The following SRP9 variants were observed in gnomAD, a reference collection of about 807,000 sequenced individuals.
SRP9 encodes the protein signal recognition particle 9 kDa protein.
Under a neutral mutation model 11.7 loss-of-function variants are expected in SRP9, and 2 were observed. The ratio of observed to expected loss-of-function variants is 0.17; its 90% CI spans 0.07 to 0.54. The LOEUF is 0.54. SRP9 is among the 20% of genes least tolerant of loss of function. SRP9 has a pLI of 0.94. For missense variants in SRP9, 54 were observed against 108.1 expected, an observed-to-expected ratio of 0.50 and a Z score of 2.22; for synonymous variants, 27 against 35.6, an observed-to-expected ratio of 0.76 and a Z score of 0.86.
rs1448304924 is a variant in SRP9, at chr1:225,777,857, C to T, written c.-84C>T. ...ATCTTGGGGCTGCTGGGACTCGCGT[C>T]GGTTGGCGACTCCCGGACGTAGGTA... On this transcript the variant is annotated 5_prime_UTR_variant, in exon 1 of 3. Coordinates refer to ENST00000304786, the MANE Select transcript of SRP9 (RefSeq NM_003133.6). 41 of 1,347,662 alleles carry T rather than the reference C, an allele frequency of 3.0e-5. No individual in the cohort carries two copies. Among genetic ancestry groups the T allele is most frequent in the Non-Finnish European group, 3.8e-5 (36 of 956,316 alleles). 83.5% of individuals were successfully genotyped at this position (1,347,662 alleles called of 1,614,324 possible). A position where few individuals can be genotyped will look rare whatever the true frequency, so the allele number is the denominator to read the frequency against.
chr1:225,781,384 CTTTTCT>C (rs1323519694), intron 1 of SRP9, among the ~76,000 whole-genome samples: 5 of 125,472 alleles, frequency 4.0e-5, no homozygotes, highest in Non-Finnish European at 8.6e-5. Flanking sequence ...GGCCTTTTTT[CTTTTCT>C]TTTTCTTTTT....
chr1:225,783,201 T>G (rs1665833832), intron 1 of SRP9, 99 bp from the exon 2 acceptor site: 1 of 832,560 alleles, frequency 1.2e-6, no homozygotes. Context: ...TTGGGGGTAT[T>G]TATTCTAAAA....
chr1:225,778,391 A>C (rs568517342), intron 1 of SRP9, among the ~76,000 whole-genome samples: 1 of 152,314 alleles, frequency 6.6e-6, no homozygotes, highest in South Asian at 2.1e-4. Context: ...AGGGTACCTC[A>C]TGTATATAAA....
rs1250437719 is a variant in SRP9 at position 225,789,358 on chromosome 1, G to T, written c.260G>T (p.Ter87LeuextTer3). Residue 87 changes from the stop codon to leucine, a stop_lost, in exon 3 of 3, where the codon TGA becomes TTA. Coordinates refer to ENST00000304786, the MANE Select transcript of SRP9 (RefSeq NM_003133.6). ...CGCAATGTTACCATGGAAACTGAGTGAATGGTTTGAAATGAAGACTTTGTC... is the reference window on the plus strand; with the variant it reads ...CGCAATGTTACCATGGAAACTGAGTTAATGGTTTGAAATGAAGACTTTGTC... ...EARNVTMETE* is the reference protein window; with the variant it reads ...EARNVTMETEL 3.2e-6 allele frequency: 5 copies of T among 1,586,454 alleles called. No homozygotes were observed. The South Asian group carries it at 5.7e-5, about 18-fold the overall frequency.
chr1:225,783,511 T>A (rs1665838602), intron 2 of SRP9, 143 bp downstream of exon 2: 1 of 648,760 alleles, frequency 1.5e-6, no homozygotes, highest in African/African-American at 1.8e-5. Context: ...AACCTCATTC[T>A]AGCAGCTACT....
In SRP9 at chr1:225,784,229, C is replaced by CTTTTTTTTTTTTTTTT. The variant is rs561503475; in HGVS notation, c.141+881_141+896dup. Among the ~76,000 whole-genome samples the CTTTTTTTTTTTTTTTT allele has an allele frequency of 1.7e-4, 6 of 34,420 alleles. 2 individuals are homozygous for CTTTTTTTTTTTTTTTT. The highest frequency in any genetic ancestry group is 4.6e-4 in the Admixed American group (1 of 2,188). The allele number at this position is 34,420 out of a possible 152,430, so 22.6% of individuals were successfully genotyped here. A position where few individuals can be genotyped will look rare whatever the true frequency, so the allele number is the denominator to read the frequency against. On this transcript the variant is annotated intron_variant, in intron 2 of 2. Transcript: ENST00000304786. ...TCTACAGTGGAGTTTATCACCTGTT[C>CTTTTTTTTTTTTTTTT]TTTTTTTTTTTTTTTTTTTTTTTTT...
At chr1:225,787,948 T>C (rs1008967343) in intron 2 of SRP9, among the ~76,000 whole-genome samples, 2 of 152,364 alleles carry the variant, frequency 1.3e-5, no homozygotes, top group East Asian at 1.9e-4. Context: ...TCAAGTTATT[T>C]AAGTTGTTGA....
rs1318615559 is a variant in SRP9, at chr1:225,790,106, A to G, written c.*747A>G. The G allele has an allele frequency of 6.6e-6, 1 of 152,178 alleles. No individual in the cohort carries two copies. 9.4% of individuals were successfully genotyped at this position (152,178 alleles called of 1,614,324 possible). On this transcript the variant is annotated 3_prime_UTR_variant, in exon 3 of 3. Coordinates refer to ENST00000304786, the MANE Select transcript of SRP9 (RefSeq NM_003133.6). Reference sequence around the variant, plus strand: ...ACCATATTACAGAAATATTTACTACATATTTTCCATCTGTAGTTTCTCAGA... The same window carrying G: ...ACCATATTACAGAAATATTTACTACGTATTTTCCATCTGTAGTTTCTCAGA...
Position 225,789,552 on chromosome 1 carries a change from TTTAC to T in SRP9, c.*196_*199del, listed in dbSNP as rs1160215808. 2.0e-6 allele frequency: 1 copy of T among 491,532 alleles called. No individual in the cohort carries two copies. The highest frequency in any genetic ancestry group is 4.0e-5 in the Admixed American group (1 of 24,800). The allele number at this position is 491,532 out of a possible 1,614,324, so 30.4% of individuals were successfully genotyped here. On this transcript the variant is annotated 3_prime_UTR_variant, in exon 3 of 3. Transcript: ENST00000304786. ...AATGTTTTCAGTTAGAAAGCCTTTA[TTTAC>T]TTTTGGAAATTGAACAAGAAATGCA... is the stretch of plus-strand genomic sequence containing the variant.
intron 2 of SRP9, among the ~76,000 whole-genome samples, chr1:225,786,340 A>C (rs567343178): frequency 1.3e-5 from 2 of 152,346 alleles, no homozygotes; most frequent in South Asian, 4.1e-4. Flanking sequence ...TAGATCAGTA[A>C]TATTCTTACA....
chr1:225,789,334 G>A lies in SRP9; in HGVS notation c.236G>A (p.Arg79His), dbSNP rs756194834. The change falls in exon 3 of 3, where the codon CGC (arginine) becomes CAC (histidine). Residue 79 changes from arginine to histidine, a missense_variant. Physicochemically the swap from Arg to His is conservative, Grantham distance 29. Transcript: ENST00000304786. The part of the protein sequence containing the change: ...LMRLMVAKEA[R>H]NVTMETE ...CGACTTATGGTAGCCAAGGAAGCCC[G>A]CAATGTTACCATGGAAACTGAGTGA... 6.9e-5 allele frequency: 110 copies of A among 1,602,666 alleles called. No individual in the cohort carries two copies. Among genetic ancestry groups the A allele is most frequent in the Non-Finnish European group, 8.6e-5 (101 of 1,175,292 alleles).
At chr1:225,787,310 G>A (rs747125102) in intron 2 of SRP9, among the ~76,000 whole-genome samples, 14 of 152,054 alleles carry the variant, frequency 9.2e-5, no homozygotes, top group South Asian at 2.1e-4. Context: ...TGAGGTGGGC[G>A]GATCATGAGG....
rs754704124 is a variant in SRP9, at chr1:225,789,357, T to C, written c.259T>C (p.Ter87ArgextTer3). The change falls in exon 3 of 3, where the codon TGA (stop) becomes CGA (arginine). Residue 87 changes from the stop codon to arginine, a stop_lost. Transcript: ENST00000304786. ...CCGCAATGTTACCATGGAAACTGAG[T>C]GAATGGTTTGAAATGAAGACTTTGT... is the stretch of plus-strand genomic sequence containing the variant. ...EARNVTMETE[*>R] is the part of the protein sequence containing the mutation. 2.5e-6 allele frequency: 4 copies of C among 1,586,658 alleles called. No individual in the cohort carries two copies. The highest frequency in any genetic ancestry group is 3.4e-6 in the Non-Finnish European group (4 of 1,168,866).
intron 2 of SRP9, among the ~76,000 whole-genome samples, chr1:225,786,218 C>A (rs1319088487): frequency 6.6e-6 from 1 of 152,216 alleles, no homozygotes; most frequent in Non-Finnish European, 1.5e-5. Flanking sequence ...CTTTCAAAAC[C>A]CAACTTGAGG....
At chr1:225,780,167 ATGCC>A (rs1014780835) in intron 1 of SRP9, among the ~76,000 whole-genome samples, 1 of 138,324 alleles carries the variant, frequency 7.2e-6, no homozygotes, top group African/African-American at 2.7e-5. Flanking sequence ...ACATGCCACC[ATGCC>A]TGCCTAATTT....
intron 2 of SRP9, among the ~76,000 whole-genome samples, chr1:225,788,535 C>T (rs946421296): frequency 6.6e-6 from 1 of 151,858 alleles, no homozygotes. Context: ...CCTGCCTCAG[C>T]CTCCTAAGTA....
chr1:225,790,358 G>C lies in SRP9; in HGVS notation c.*999G>C, dbSNP rs374816734. ...AAGGCACTACATTGAAATATGTTTT[G>C]TATAAATTTGTCATGTTGAACAGCA... On this transcript the variant is annotated 3_prime_UTR_variant, in exon 3 of 3. Coordinates refer to ENST00000304786, the MANE Select transcript of SRP9 (RefSeq NM_003133.6). The C allele has an allele frequency of 1.3e-5, 2 of 152,282 alleles. No homozygotes were observed. Among genetic ancestry groups the C allele is most frequent in the African/African-American group, 4.8e-5 (2 of 41,556 alleles). 9.4% of individuals were successfully genotyped at this position (152,282 alleles called of 1,614,324 possible).
intron 1 of SRP9, among the ~76,000 whole-genome samples, chr1:225,781,723 C>T (rs1386194675): frequency 1.3e-5 from 2 of 152,128 alleles, no homozygotes; most frequent in Non-Finnish European, 2.9e-5. Flanking sequence ...TCTCATTTCT[C>T]CTAAATGAAA....
At chr1:225,782,325 G>A (rs1158271325) in intron 1 of SRP9, among the ~76,000 whole-genome samples, 2 of 152,026 alleles carry the variant, frequency 1.3e-5, no homozygotes, top group South Asian at 2.1e-4. Flanking sequence ...CACCACGCCC[G>A]GCTAATTTTT....
Sources: gnomAD v4.1 joint callset for allele counts (sites outside exome capture counted in the v4.1 genomes callset) on GRCh38, gnomAD v4.1.1 for gene constraint, MANE v1.5 for transcripts, NCBI Gene and HGNC (gene_info 2026-07-23, HGNC 2026-07-21) for gene names.